Variants in GLI3 observed in about 807,000 individuals in gnomAD.
GLI3 encodes transcription activator GLI3.
GLI3 carries 20 observed loss-of-function variants against 100.8 expected under a neutral mutation model. The observed-to-expected ratio is 0.20, with a 90% confidence interval of 0.14 to 0.29. GLI3 has a LOEUF of 0.29. GLI3 is among the 10% of genes least tolerant of loss of function. The pLI is 1.00. For missense variants in GLI3, 2,040 were observed against 2,128.5 expected (o/e 0.96, Z 0.82); for synonymous variants, 938 against 860.5 (o/e 1.09, Z -1.58).
At chr7:42,123,745 C>T (rs1269259510) in intron 3 of GLI3, among the ~76,000 whole-genome samples, 1 of 152,122 alleles carries the variant, frequency 6.6e-6, no homozygotes, top group Admixed American at 6.5e-5. Flanking sequence ...TGTACAGGAT[C>T]TTTTTAAGAC....
intron 3 of GLI3, among the ~76,000 whole-genome samples, chr7:42,092,789 A>T (rs1239222105): frequency 1.4e-5 from 2 of 138,106 alleles, no homozygotes; most frequent in Non-Finnish European, 3.2e-5. Context: ...ATTTCATTTT[A>T]TTTATTTATT....
chr7:41,970,895 A>C (rs1460547869), intron 13 of GLI3, among the ~76,000 whole-genome samples: 1 of 151,704 alleles, frequency 6.6e-6, no homozygotes, highest in African/African-American at 2.4e-5. Flanking sequence ...AAGAATAGAC[A>C]TGTGCTCCCC....
At chr7:42,114,343 T>G (rs1264266039) in intron 3 of GLI3, among the ~76,000 whole-genome samples, 1 of 152,176 alleles carries the variant, frequency 6.6e-6, no homozygotes, top group Non-Finnish European at 1.5e-5. Flanking sequence ...TGAAAGTTGT[T>G]GTATACTGTT....
At chr7:42,118,304 C>G (rs532488432) in intron 3 of GLI3, 2 of 398,634 alleles carry the variant, frequency 5.0e-6, no homozygotes, top group East Asian at 7.1e-5. Flanking sequence ...GTTTTTATTT[C>G]CTTTCTCACT....
chr7:42,005,466 C>T (rs1788431780), intron 10 of GLI3, among the ~76,000 whole-genome samples: 1 of 150,142 alleles, frequency 6.7e-6, no homozygotes, highest in Admixed American at 6.6e-5. Flanking sequence ...CATACACACA[C>T]ACACACACAC....
chr7:42,209,049 AT>A (rs142953102), intron 2 of GLI3, among the ~76,000 whole-genome samples: 11 of 150,352 alleles, frequency 7.3e-5, no homozygotes, highest in Admixed American at 4.6e-4. Flanking sequence ...AATACTTGCA[AT>A]TTTTTTTTTA....
intron 7 of GLI3, among the ~76,000 whole-genome samples, chr7:42,030,707 T>TTG (rs1554315793): frequency 6.6e-6 from 1 of 151,722 alleles, no homozygotes; most frequent in East Asian, 1.9e-4. Flanking sequence ...TTTTTTTTTT[T>TTG]TTTGTTTTTT....
chr7:42,200,488 C>T (rs189828285), intron 2 of GLI3, among the ~76,000 whole-genome samples: 8 of 152,312 alleles, frequency 5.3e-5, no homozygotes, highest in Admixed American at 1.3e-4. Flanking sequence ...GCTCCACTAC[C>T]TCCCGTATCC....
At chr7:42,208,867 C>T (rs1382812953) in intron 2 of GLI3, among the ~76,000 whole-genome samples, 1 of 152,066 alleles carries the variant, frequency 6.6e-6, no homozygotes, top group African/African-American at 2.4e-5. Context: ...GTATAGGAAG[C>T]CTGGTGGGTA....
intron 10 of GLI3, among the ~76,000 whole-genome samples, chr7:41,979,308 T>C (rs1209705471): frequency 6.6e-6 from 1 of 152,222 alleles, no homozygotes; most frequent in African/African-American, 2.4e-5. Flanking sequence ...GACTGCTTCC[T>C]GAATAAGAAT....
chr7:41,984,675 T>G (rs958052472), intron 10 of GLI3, among the ~76,000 whole-genome samples: 9 of 152,316 alleles, frequency 5.9e-5, no homozygotes, highest in African/African-American at 1.7e-4. Context: ...CCTTTAAGCA[T>G]TGCTAAAAAC....
chr7:42,046,277 G>A (rs1784243111), intron 5 of GLI3, among the ~76,000 whole-genome samples: 1 of 152,144 alleles, frequency 6.6e-6, no homozygotes, highest in African/African-American at 2.4e-5. Context: ...ATTTAAACTG[G>A]CTCCATGAGG....
chr7:42,059,660 T>G (rs931882683), intron 4 of GLI3, among the ~76,000 whole-genome samples: 1 of 152,220 alleles, frequency 6.6e-6, no homozygotes, highest in Admixed American at 6.5e-5. Context: ...ACCACCTAGG[T>G]GCCATGTTGA....
upstream of GLI3, among the ~76,000 whole-genome samples, chr7:42,238,595 T>C (rs576137788): frequency 1.3e-4 from 20 of 152,342 alleles, no homozygotes; most frequent in Admixed American, 5.9e-4. Flanking sequence ...GTCTCTAACG[T>C]GCCGCTTTTC....
At chr7:42,174,328 T>C (rs1483971272) in intron 2 of GLI3, among the ~76,000 whole-genome samples, 1 of 152,220 alleles carries the variant, frequency 6.6e-6, no homozygotes, top group African/African-American at 2.4e-5. Flanking sequence ...AAATGTGGAA[T>C]TGACCCAGAA....
upstream of GLI3, among the ~76,000 whole-genome samples, chr7:42,239,782 C>T (rs1051727479): frequency 1.3e-5 from 2 of 152,180 alleles, no homozygotes; most frequent in African/African-American, 4.8e-5. Context: ...TGCTGTGTCT[C>T]TTATGTGTCC....
Position 42,039,331 on chromosome 7 carries a change from T to C in GLI3, c.1028+707A>G, listed in dbSNP as rs759871365. 4.5e-4 allele frequency among the ~76,000 whole-genome samples: 69 copies of C among 152,206 alleles called. 1 individual carries two copies. The highest frequency in any genetic ancestry group is 1.9e-3 in the Admixed American group (29 of 15,270). On this transcript the variant is annotated intron_variant, in intron 7 of 14. Transcript: ENST00000395925. ...TATGTTAATCATGTTTACAAAAGTCTGTGCTTGTACCTTCACATGCAAAAA... is the reference window on the plus strand; with the variant it reads ...TATGTTAATCATGTTTACAAAAGTCCGTGCTTGTACCTTCACATGCAAAAA...
At chr7:42,076,537 G>A (rs1784881698) in intron 4 of GLI3, among the ~76,000 whole-genome samples, 1 of 152,138 alleles carries the variant, frequency 6.6e-6, no homozygotes, top group South Asian at 2.1e-4. Context: ...GGAAATACTT[G>A]TCGGCGACCT....
At chr7:42,259,626 A>G (rs1213716954) in intron 1 of GLI3, among the ~76,000 whole-genome samples, 1 of 152,152 alleles carries the variant, frequency 6.6e-6, no homozygotes, top group Non-Finnish European at 1.5e-5. Context: ...ACTTGTAGGG[A>G]TTTCTGCATG....
Sources: gnomAD v4.1 joint callset for allele counts (sites outside exome capture counted in the v4.1 genomes callset) on GRCh38, gnomAD v4.1.1 for gene constraint, MANE v1.5 for transcripts, NCBI Gene and HGNC (gene_info 2026-07-23, HGNC 2026-07-21) for gene names.